ZNF678: variants seen among roughly 807,000 people sequenced by gnomAD.
ZNF678 encodes zinc finger protein 678.
A neutral mutation model predicts 3.0 loss-of-function variants in ZNF678; 5 were observed. The observed-to-expected ratio is 1.69, with a 90% CI of 0.88 to 3.56. The LOEUF (loss-of-function observed/expected upper bound fraction) is 3.56, where lower values mean the gene tolerates loss of function less well. ZNF678 is among the 30% of genes most tolerant of loss of function. The probability of loss-of-function intolerance (pLI) is 0.00; values close to 1 mark genes in which losing one functional copy is unlikely to be tolerated. For missense variants in ZNF678, 593 were observed against 605.0 expected, an observed-to-expected ratio of 0.98 and a Z score of 0.21; for synonymous variants, 218 against 199.6, an observed-to-expected ratio of 1.09 and a Z score of -0.78.
At chr1:227,572,240 T>C (rs752517976) in intron 1 of ZNF678, among the ~76,000 whole-genome samples, 30 of 152,274 alleles carry the variant, frequency 2.0e-4, no homozygotes, top group Non-Finnish European at 3.1e-4. Flanking sequence ...AGGTGATGGC[T>C]TAGAGTGAGG....
intron 1 of ZNF678, among the ~76,000 whole-genome samples, chr1:227,623,432 T>G (rs1658329277): frequency 6.6e-6 from 1 of 152,216 alleles, no homozygotes; most frequent in Non-Finnish European, 1.5e-5. Context: ...TGGCAAGAAC[T>G]TAATAAGTAA....
chr1:227,589,670 A>T (rs565247190), intron 1 of ZNF678, among the ~76,000 whole-genome samples: 1 of 151,678 alleles, frequency 6.6e-6, no homozygotes, highest in Non-Finnish European at 1.5e-5. Flanking sequence ...TGGGGACTGC[A>T]TGCACCAGTA....
chr1:227,582,902 A>G (rs1213516887), intron 1 of ZNF678, among the ~76,000 whole-genome samples: 1 of 152,166 alleles, frequency 6.6e-6, no homozygotes, highest in East Asian at 1.9e-4. Flanking sequence ...ATTTTGTAAA[A>G]GTAGTTCTTA....
chr1:227,582,615 C>T (rs1023920175), intron 1 of ZNF678: 6 of 212,682 alleles, frequency 2.8e-5, no homozygotes, highest in Admixed American at 2.2e-4. Flanking sequence ...AGGTATGAGA[C>T]ACCACACCTG....
rs1456956980 is a variant in ZNF678, at chr1:227,563,589, C to G, written c.-299C>G. ...TGTGCTCCAGCTGGAGCTTTGGTCCCGTATTCTCGGCTATTTATCCCCAGC... is the reference window on the plus strand; with the variant it reads ...TGTGCTCCAGCTGGAGCTTTGGTCCGGTATTCTCGGCTATTTATCCCCAGC... On this transcript the variant is annotated 5_prime_UTR_variant, in exon 1 of 4. Coordinates refer to ENST00000343776, the MANE Select transcript of ZNF678 (RefSeq NM_001367909.1). The G allele has an allele frequency of 5.3e-6, 5 of 937,338 alleles. No homozygotes were observed. The highest frequency in any genetic ancestry group is 1.4e-5 in the South Asian group (1 of 73,708). The allele number at this position is 937,338 out of a possible 1,614,324, so 58.1% of individuals were successfully genotyped here.
At position 227,614,110 on chromosome 1, in the gene ZNF678, C is replaced by T. The variant is rs115690494; in HGVS notation, c.-163-32434C>T. Among the ~76,000 whole-genome samples, 621 of 152,268 alleles carry T rather than the reference C, an allele frequency of 4.1e-3. 4 individuals carry two copies. The highest frequency in any genetic ancestry group is 0.014 in the African/African-American group (573 of 41,552). On this transcript the variant is annotated intron_variant, in intron 1 of 3. Transcript: ENST00000343776. ...TCATGTAGAGGCCATCTGCTGGGCC[C>T]AGTTAGACCTCCTGCAGACTAAACT...
intron 1 of ZNF678, among the ~76,000 whole-genome samples, chr1:227,613,215 C>G (rs376444978): frequency 5.3e-5 from 8 of 152,318 alleles, no homozygotes; most frequent in Admixed American, 6.5e-5. Context: ...TTCCCAGTGG[C>G]CAACCCACCT....
chr1:227,610,372 T>A lies in ZNF678; in HGVS notation c.-163-36172T>A, dbSNP rs118136810. 5.1e-3 allele frequency among the ~76,000 whole-genome samples: 778 copies of A among 152,302 alleles called. 14 individuals are homozygous for A. In the East Asian group the frequency reaches 0.058, roughly 11 times the overall value. ...CTACATATATAGTAGTTCAATACCTTACTTGTTTTGATTACTATAGCTTTG... is the reference window on the plus strand; with the variant it reads ...CTACATATATAGTAGTTCAATACCTAACTTGTTTTGATTACTATAGCTTTG... On this transcript the variant is annotated intron_variant, in intron 1 of 3. Coordinates refer to ENST00000343776, the MANE Select transcript of ZNF678 (RefSeq NM_001367909.1).
rs891649374 is a variant in ZNF678 at position 227,655,671 on chromosome 1, C to G, written c.1421C>G (p.Ser474Ter). Residue 474 changes from serine to a stop codon, truncating the protein, a stop_gained, in exon 4 of 4, where the codon TCA becomes TGA. Coordinates refer to ENST00000343776, the MANE Select transcript of ZNF678 (RefSeq NM_001367909.1). LOFTEE classifies it low-confidence loss of function (END_TRUNC). ...EECGKAFNQFSSLTRHKRIHT... is the reference protein window; with the variant it reads ...EECGKAFNQF ...TGTGGCAAAGCCTTTAACCAGTTCT[C>G]AAGCCTTACTCGTCATAAAAGAATT... The G allele has an allele frequency of 1.9e-6, 3 of 1,612,760 alleles. No individual in the cohort carries two copies. Among genetic ancestry groups the G allele is most frequent in the Non-Finnish European group, 2.5e-6 (3 of 1,179,218 alleles).
At chr1:227,566,469 C>T (rs1656687902) in intron 1 of ZNF678, among the ~76,000 whole-genome samples, 1 of 152,076 alleles carries the variant, frequency 6.6e-6, no homozygotes. Flanking sequence ...GCAAAACATC[C>T]CTGGGGCACA....
chr1:227,598,857 C>A, intron 1 of ZNF678: 1 of 623,666 alleles, frequency 1.6e-6, no homozygotes, highest in East Asian at 3.3e-5. Context: ...AGATGAATAC[C>A]TACCAAATTT....
At chr1:227,673,902 A>T (rs541839036) in intron 5 of ZNF678, among the ~76,000 whole-genome samples, 2 of 152,254 alleles carry the variant, frequency 1.3e-5, no homozygotes, top group Non-Finnish European at 2.9e-5. Context: ...GCTTTTATTC[A>T]TATGTTTTAA....
At chr1:227,633,411 G>T (rs940722102) in intron 1 of ZNF678, among the ~76,000 whole-genome samples, 1 of 152,126 alleles carries the variant, frequency 6.6e-6, no homozygotes, top group Non-Finnish European at 1.5e-5. Flanking sequence ...TAGCCTAATT[G>T]GTATTTTAGT....
At chr1:227,639,366 A>G (rs562795816) in intron 1 of ZNF678, among the ~76,000 whole-genome samples, 1 of 152,290 alleles carries the variant, frequency 6.6e-6, no homozygotes, top group Non-Finnish European at 1.5e-5. Context: ...TTTCCCCATC[A>G]CGATTGTTAA....
At chr1:227,651,396 GTAGCTTAAAGGTCT>G (rs994454651) in intron 3 of ZNF678, among the ~76,000 whole-genome samples, 2 of 152,168 alleles carry the variant, frequency 1.3e-5, no homozygotes, top group African/African-American at 4.8e-5. Context: ...TCCACAGAAT[GTAGCTTAAAGGTCT>G]AGAACTGAGT....
intron 5 of ZNF678, among the ~76,000 whole-genome samples, chr1:227,675,849 A>C (rs1659669661): frequency 6.6e-6 from 1 of 152,224 alleles, no homozygotes; most frequent in Admixed American, 6.5e-5. Context: ...CTGAAAGCCA[A>C]AGTGGTAAAC....
chr1:227,649,243 A>G (rs938510091), intron 2 of ZNF678, among the ~76,000 whole-genome samples: 17 of 152,178 alleles, frequency 1.1e-4, no homozygotes, highest in African/African-American at 4.1e-4. Flanking sequence ...GCTGAATTTT[A>G]TGATACTTGT....
In ZNF678 at chr1:227,661,210, T is replaced by C. The variant is rs760048481; in HGVS notation, c.*5382T>C. The C allele has an allele frequency of 6.6e-6, 1 of 152,186 alleles. No homozygotes were observed. The highest frequency in any genetic ancestry group is 1.5e-5 in the Non-Finnish European group (1 of 68,036). The allele number at this position is 152,186 out of a possible 1,614,324, so 9.4% of individuals were successfully genotyped here. A position where few individuals can be genotyped will look rare whatever the true frequency, so the allele number is the denominator to read the frequency against. ...GATTAAATGCTTAATGTGTGTGTGTTGACTAAATAAATCTCAACCAGAACC... is the reference window on the plus strand; with the variant it reads ...GATTAAATGCTTAATGTGTGTGTGTCGACTAAATAAATCTCAACCAGAACC... On this transcript the variant is annotated 3_prime_UTR_variant, in exon 4 of 4. Coordinates refer to ENST00000343776, the MANE Select transcript of ZNF678 (RefSeq NM_001367909.1).
chr1:227,618,931 G>C (rs376488153), intron 1 of ZNF678, among the ~76,000 whole-genome samples: 154 of 152,276 alleles, frequency 1.0e-3, no homozygotes, highest in African/African-American at 3.6e-3. Flanking sequence ...GGGGGCCTCA[G>C]GAAACTTACA....
Sources: allele counts gnomAD v4.1 joint callset (sites outside exome capture counted in the v4.1 genomes callset), GRCh38; gene constraint gnomAD v4.1.1; transcripts MANE v1.5; gene names NCBI Gene and HGNC (gene_info 2026-07-23, HGNC 2026-07-21).